Variants in PDE5A observed in about 807,000 individuals in gnomAD.
PDE5A encodes cGMP-specific 3',5'-cyclic phosphodiesterase.
Under a neutral mutation model 110.2 loss-of-function variants are expected in PDE5A, and 67 were observed. The observed-to-expected ratio is 0.61, with a 90% CI of 0.50 to 0.75. The LOEUF is 0.75. PDE5A is among the 30% of genes least tolerant of loss of function. The pLI is 0.00. For synonymous variants in PDE5A, 328 were observed against 351.2 expected (o/e 0.93, Z 0.74); for missense variants, 862 against 1,045.1 (o/e 0.82, Z 2.42).
intron 14 of PDE5A, chr4:119,512,475 A>T (rs1284758546): frequency 2.0e-5 from 3 of 152,154 alleles, no homozygotes; most frequent in African/African-American, 7.2e-5. Context: ...GTATGTATCG[A>T]GACTATGGGA....
intron 5 of PDE5A, 115 bp downstream of exon 5, chr4:119,565,206 G>C (rs1333436092): frequency 1.5e-6 from 1 of 677,520 alleles, no homozygotes; most frequent in East Asian, 2.8e-5. Context: ...ATAAAGTATT[G>C]AGAAACTGAA....
At chr4:119,617,065 T>C (rs1273678369) in intron 1 of PDE5A, among the ~76,000 whole-genome samples, 1 of 152,170 alleles carries the variant, frequency 6.6e-6, no homozygotes, top group Non-Finnish European at 1.5e-5. Context: ...AGTTTATAAA[T>C]TGATTAATAA....
At chr4:119,566,145 A>C (rs1727925631) in intron 4 of PDE5A, among the ~76,000 whole-genome samples, 1 of 152,048 alleles carries the variant, frequency 6.6e-6, no homozygotes, top group Non-Finnish European at 1.5e-5. Context: ...ATGTTTTCAC[A>C]CCAAATATTC....
intron 12 of PDE5A, among the ~76,000 whole-genome samples, chr4:119,521,466 C>T (rs546593140): frequency 8.0e-5 from 12 of 150,762 alleles, no homozygotes; most frequent in Non-Finnish European, 1.8e-4. Context: ...GGTATGAATT[C>T]ACCATTTGAG....
intron 7 of PDE5A, among the ~76,000 whole-genome samples, chr4:119,556,883 T>G (rs1290581380): frequency 6.6e-6 from 1 of 152,198 alleles, no homozygotes; most frequent in African/African-American, 2.4e-5. Context: ...AATGATGATT[T>G]CAGGCTGAAA....
chr4:119,510,806 A>G (rs1725717490), intron 15 of PDE5A, among the ~76,000 whole-genome samples: 1 of 152,112 alleles, frequency 6.6e-6, no homozygotes, highest in African/African-American at 2.4e-5. Flanking sequence ...TCTAATTTGG[A>G]ATAGCCACGT....
intron 16 of PDE5A, among the ~76,000 whole-genome samples, chr4:119,507,154 C>T (rs7699064): frequency 0.26 from 39,867 of 151,758 alleles, 5,368 homozygotes; most frequent in East Asian, 0.38. Flanking sequence ...ATATTCTTCT[C>T]CTGCCAAAAT....
At chr4:119,571,178 C>G (rs983241017) in intron 3 of PDE5A, among the ~76,000 whole-genome samples, 3 of 152,186 alleles carry the variant, frequency 2.0e-5, no homozygotes, top group Non-Finnish European at 4.4e-5. Flanking sequence ...TTTCTGACTT[C>G]TCTTCTGAAT....
chr4:119,525,730 T>C lies in PDE5A; in HGVS notation c.1633-35A>G. 1 of 1,586,622 alleles carries C rather than the reference T, an allele frequency of 6.3e-7. No homozygotes were observed. The highest frequency in any genetic ancestry group is 1.1e-5 in the South Asian group (1 of 88,276). On this transcript the variant is annotated intron_variant, in intron 11 of 20. Coordinates refer to ENST00000354960, the MANE Select transcript of PDE5A (RefSeq NM_001083.4). This position sits in a 1 kb window ranked among gnomAD's most constrained non-coding sequence, Gnocchi z 4.3. ...GGAAAGAAGAAAAAAAAAAATGCTG[T>C]TAATTAAAGCAGCAGTGATTTGCAA... is the stretch of plus-strand genomic sequence containing the variant.
Position 119,538,955 on chromosome 4 carries a change from A to G in PDE5A, c.1632+5T>C, listed in dbSNP as rs2110484214. The G allele has an allele frequency of 6.2e-7, 1 of 1,604,306 alleles. No homozygotes were observed. Among genetic ancestry groups the G allele is most frequent in the East Asian group, 2.2e-5 (1 of 44,752 alleles). On this transcript the variant is annotated splice_donor_5th_base_variant and intron_variant, in intron 11 of 20. Coordinates refer to ENST00000354960, the MANE Select transcript of PDE5A (RefSeq NM_001083.4). ...GTAATTTTTAAAAAGAAAGAGGATA[A>G]TTACCGCTAACGACTGTAGCTCTCT... is the stretch of plus-strand genomic sequence containing the variant.
At chr4:119,602,625 TTTTC>T (rs1729384420) in intron 2 of PDE5A, among the ~76,000 whole-genome samples, 2 of 152,184 alleles carry the variant, frequency 1.3e-5, no homozygotes, top group Admixed American at 6.5e-5. Context: ...TTGCTAGGGG[TTTTC>T]TTTTTCTTCT....
intron 3 of PDE5A, among the ~76,000 whole-genome samples, chr4:119,573,260 T>C (rs1728203728): frequency 6.6e-6 from 1 of 152,222 alleles, no homozygotes; most frequent in African/African-American, 2.4e-5. Flanking sequence ...TCTGGCTAAA[T>C]CTTCAAAAAG....
intron 2 of PDE5A, among the ~76,000 whole-genome samples, chr4:119,599,133 C>A (rs1729252152): frequency 1.3e-5 from 2 of 152,046 alleles, no homozygotes. Flanking sequence ...TTCAAAAGAT[C>A]CACTCTGACA....
rs201501062 is a variant in PDE5A at position 119,606,885 on chromosome 4, G to A, written c.565C>T (p.Leu189Phe). 3.1e-4 allele frequency: 494 copies of A among 1,614,106 alleles called. 1 individual carries two copies. The highest frequency in any genetic ancestry group is 3.4e-4 in the Non-Finnish European group (407 of 1,180,056). The change falls in exon 2 of 21, where the codon CTT becomes TTT. Residue 189 changes from leucine to phenylalanine, a missense_variant. Transcript: ENST00000354960. Reference sequence around the variant, plus strand: ...TCATTGGAGCTGTCTTCACAGACAAGGAACAGGGAATAGCGGTCAGCAGAT... The same window carrying A: ...TCATTGGAGCTGTCTTCACAGACAAAGAACAGGGAATAGCGGTCAGCAGAT... ...LISADRYSLF[L>F]VCEDSSNDKF...
intron 3 of PDE5A, among the ~76,000 whole-genome samples, chr4:119,585,398 T>C (rs1236416891): frequency 2.6e-5 from 4 of 152,186 alleles, no homozygotes; most frequent in Non-Finnish European, 4.4e-5. Flanking sequence ...TTCCCTCTGA[T>C]TTAAGACAAC....
At chr4:119,516,774 CA>C (rs1234509782) in intron 14 of PDE5A, among the ~76,000 whole-genome samples, 1 of 152,164 alleles carries the variant, frequency 6.6e-6, no homozygotes, top group Non-Finnish European at 1.5e-5. Context: ...CCCGCCACCA[CA>C]CCCGGCTAAT....
intron 20 of PDE5A, chr4:119,500,287 G>GTTCT (rs1725255342): frequency 6.8e-6 from 1 of 147,644 alleles, no homozygotes. Flanking sequence ...TTTCTCCATG[G>GTTCT]TTCTTTTGGT....
chr4:119,588,579 G>T (rs1419033244), intron 3 of PDE5A, among the ~76,000 whole-genome samples: 4 of 147,302 alleles, frequency 2.7e-5, no homozygotes, highest in Non-Finnish European at 5.9e-5. Flanking sequence ...GCAGTTACTT[G>T]TCAAAACAAG....
intron 2 of PDE5A, 75 bp downstream of exon 2, chr4:119,606,634 G>T: frequency 1.1e-6 from 1 of 939,608 alleles, no homozygotes; most frequent in Non-Finnish European, 1.7e-6. Context: ...GCTATCCAAT[G>T]CCCCAGCCAT....
Sources: allele counts gnomAD v4.1 joint callset (sites outside exome capture counted in the v4.1 genomes callset), GRCh38; gene constraint gnomAD v4.1.1; non-coding constraint Gnocchi (gnomAD v3.1); transcripts MANE v1.5; gene names NCBI Gene and HGNC (gene_info 2026-07-23, HGNC 2026-07-21).